Variants in TCF12 observed in about 807,000 individuals in gnomAD.
TCF12 encodes the protein DNA-binding protein HTF4.
In TCF12, 45 loss-of-function variants were observed where a neutral mutation model predicts 86.0. The observed-to-expected ratio is 0.52, with a 90% CI of 0.41 to 0.67. TCF12 has a LOEUF of 0.67. Ranked by LOEUF, TCF12 falls within the 30% of genes least tolerant of loss-of-function variation. TCF12 has a pLI of 0.00. For synonymous variants in TCF12, 330 were observed against 299.6 expected (o/e 1.10, Z -1.05); for missense variants, 881 against 859.9 (o/e 1.02, Z -0.31).
At chr15:57,011,988 A>G (rs1163354909) in intron 3 of TCF12, among the ~76,000 whole-genome samples, 1 of 152,190 alleles carries the variant, frequency 6.6e-6, no homozygotes, top group Non-Finnish European at 1.5e-5. Context: ...TGTATAGGAA[A>G]TGATACTTTT....
intron 6 of TCF12, among the ~76,000 whole-genome samples, chr15:57,174,736 A>C (rs1223188687): frequency 6.6e-6 from 1 of 152,236 alleles, no homozygotes; most frequent in Non-Finnish European, 1.5e-5. Context: ...ACTATCAGCA[A>C]AAATTAGAAA....
intron 3 of TCF12, among the ~76,000 whole-genome samples, chr15:56,929,816 T>A (rs2060167966): frequency 6.6e-6 from 1 of 152,154 alleles, no homozygotes; most frequent in Non-Finnish European, 1.5e-5. Flanking sequence ...TGGGATAATT[T>A]GGCCCAAGAT....
At chr15:57,056,793 C>T (rs1477536366) in intron 3 of TCF12, among the ~76,000 whole-genome samples, 1 of 144,354 alleles carries the variant, frequency 6.9e-6, no homozygotes, top group Non-Finnish European at 1.5e-5. Context: ...TCTTTTTCTT[C>T]GTGAGATTTT....
At chr15:57,199,216 C>T (rs913480175) in intron 8 of TCF12, among the ~76,000 whole-genome samples, 1 of 152,046 alleles carries the variant, frequency 6.6e-6, no homozygotes, top group South Asian at 2.1e-4. Context: ...TTTTCAGCAG[C>T]AGCTAAAAAT....
At chr15:57,023,015 A>G (rs182022579) in intron 3 of TCF12, among the ~76,000 whole-genome samples, 24 of 152,248 alleles carry the variant, frequency 1.6e-4, no homozygotes, top group Admixed American at 9.2e-4. Flanking sequence ...TTTTAAGTGC[A>G]TTGAGGCTCT....
chr15:57,060,723 G>T (rs1160446833), intron 3 of TCF12, among the ~76,000 whole-genome samples: 1 of 152,168 alleles, frequency 6.6e-6, no homozygotes, highest in Non-Finnish European at 1.5e-5. Context: ...TGCAACTGTG[G>T]TGTATTTTCT....
intron 4 of TCF12, among the ~76,000 whole-genome samples, chr15:57,084,132 A>G (rs1266818513): frequency 6.6e-6 from 1 of 152,152 alleles, no homozygotes. Flanking sequence ...ATTTATTTTA[A>G]CTGATTTTAC....
rs80116408 is a variant in TCF12 at position 57,188,278 on chromosome 15, G to A, written c.391-3880G>A. Among the ~76,000 whole-genome samples, 18 of 151,578 alleles carry A rather than the reference G, an allele frequency of 1.2e-4. No individual in the cohort carries two copies. In the East Asian group the frequency reaches 2.3e-3, roughly 20 times the overall value. ...GAATTAATTTGAACATGAAATATAA[G>A]ACTTGTACCCTGGAAACTACAAAAC... On this transcript the variant is annotated intron_variant, in intron 6 of 20. Coordinates refer to ENST00000333725, the MANE Select transcript of TCF12 (RefSeq NM_207037.2).
chr15:56,939,545 T>TAC (rs1199555864), intron 3 of TCF12, among the ~76,000 whole-genome samples: 4 of 152,234 alleles, frequency 2.6e-5, no homozygotes, highest in African/African-American at 7.2e-5. Flanking sequence ...TTACTATATG[T>TAC]ATATTAGACA....
intron 3 of TCF12, among the ~76,000 whole-genome samples, chr15:56,958,592 C>T (rs765303463): frequency 3.4e-4 from 52 of 152,000 alleles, no homozygotes; most frequent in South Asian, 1.9e-3. Flanking sequence ...GAACTTTACC[C>T]GTCACTGCAG....
rs149814901 is a variant in TCF12 at position 57,081,382 on chromosome 15, G to T, written c.223-10407G>T. ...TTTACTGTTAGACTTTGGGTGATCT[G>T]TGTAAATTTTCTGTGCCTCTTGCCT... On this transcript the variant is annotated intron_variant, in intron 4 of 20. Coordinates refer to ENST00000333725, the MANE Select transcript of TCF12 (RefSeq NM_207037.2). Among the ~76,000 whole-genome samples, 469 of 152,184 alleles carry T rather than the reference G, an allele frequency of 3.1e-3. 2 individuals are homozygous for T. The highest frequency in any genetic ancestry group is 0.011 in the African/African-American group (455 of 41,518).
chr15:57,102,915 T>C (rs2049858245), intron 5 of TCF12, among the ~76,000 whole-genome samples: 1 of 152,204 alleles, frequency 6.6e-6, no homozygotes, highest in South Asian at 2.1e-4. Context: ...AAGATAGCAA[T>C]ATAAGATTGT....
At chr15:56,995,265 G>T (rs2063653106) in intron 3 of TCF12, among the ~76,000 whole-genome samples, 2 of 13,456 alleles carry the variant, frequency 1.5e-4, no homozygotes, top group African/African-American at 2.7e-4. Flanking sequence ...TTTTTGCTTA[G>T]GATTGCTTTG....
At chr15:57,114,840 A>G (rs2050733210) in intron 5 of TCF12, among the ~76,000 whole-genome samples, 1 of 152,180 alleles carries the variant, frequency 6.6e-6, no homozygotes, top group Non-Finnish European at 1.5e-5. Flanking sequence ...CTTTGCCTGA[A>G]GGAGGCATTA....
In TCF12 at chr15:57,079,244, G is replaced by GT. The variant is rs576222472; in HGVS notation, c.223-12540dup. On this transcript the variant is annotated intron_variant, in intron 4 of 20. Transcript: ENST00000333725. ...GTTTACATACACACATCAGAATAGA[G>GT]TTTTTCTCTGGTAATGGATCAGATA... Among the ~76,000 whole-genome samples, 49 of 152,298 alleles carry GT rather than the reference G, an allele frequency of 3.2e-4. 1 individual carries two copies. Among genetic ancestry groups the GT allele is most frequent in the Admixed American group, 1.3e-3 (20 of 15,298 alleles).
At chr15:57,018,811 A>G (rs1280627311) in intron 3 of TCF12, among the ~76,000 whole-genome samples, 3 of 152,204 alleles carry the variant, frequency 2.0e-5, no homozygotes, top group Non-Finnish European at 4.4e-5. Flanking sequence ...AAACAAAAAC[A>G]AAAGAGAGAG....
At position 57,072,002 on chromosome 15, in the gene TCF12, T is replaced by C. The variant is rs566646196; in HGVS notation, c.222+8179T>C. Among the ~76,000 whole-genome samples, 4 of 152,342 alleles carry C rather than the reference T, an allele frequency of 2.6e-5. No homozygotes were observed. The South Asian group carries it at 8.3e-4, about 32-fold the overall frequency. Reference sequence around the variant, plus strand: ...GTAGAAAAAAATGTTATCTATTCTTTGGGAGCCAATTAAAAATAGATTTTA... The same window carrying C: ...GTAGAAAAAAATGTTATCTATTCTTCGGGAGCCAATTAAAAATAGATTTTA... On this transcript the variant is annotated intron_variant, in intron 4 of 20. Coordinates refer to ENST00000333725, the MANE Select transcript of TCF12 (RefSeq NM_207037.2).
chr15:57,136,493 G>A lies in TCF12; in HGVS notation c.326-29909G>A, dbSNP rs144022089. 1.1e-4 allele frequency among the ~76,000 whole-genome samples: 16 copies of A among 152,214 alleles called. No homozygotes were observed. In the East Asian group the frequency reaches 2.9e-3, roughly 28 times the overall value. On this transcript the variant is annotated intron_variant, in intron 5 of 20. Coordinates refer to ENST00000333725, the MANE Select transcript of TCF12 (RefSeq NM_207037.2). ...TTTAAGTCACAGCTTTTAACAGATC[G>A]ACGTATATTTCTTATTTCTACATTC...
intron 7 of TCF12, among the ~76,000 whole-genome samples, chr15:57,194,291 T>G (rs1361034399): frequency 1.3e-5 from 2 of 152,192 alleles, no homozygotes; most frequent in Non-Finnish European, 2.9e-5. Flanking sequence ...CACTACATTT[T>G]CACAAAACCT....
Sources: allele counts gnomAD v4.1 joint callset (sites outside exome capture counted in the v4.1 genomes callset), GRCh38; gene constraint gnomAD v4.1.1; transcripts MANE v1.5; gene names NCBI Gene and HGNC (gene_info 2026-07-23, HGNC 2026-07-21).